Variants in MCCC1 observed in about 807,000 individuals in gnomAD.
The protein encoded by MCCC1 is methylcrotonoyl-CoA carboxylase subunit alpha, mitochondrial.
MCCC1 carries 64 observed loss-of-function variants against 83.8 expected under a neutral mutation model. The observed-to-expected ratio is 0.76, with a 90% CI of 0.62 to 0.94. MCCC1 has a LOEUF of 0.94. MCCC1 is among the 40% of genes least tolerant of loss of function. The pLI, the probability that MCCC1 is intolerant of heterozygous loss-of-function variation, is 0.00. For missense variants in MCCC1, 807 were observed against 904.7 expected (o/e 0.89, Z 1.39); for synonymous variants, 322 against 315.4 (o/e 1.02, Z -0.22).
chr3:183,112,983 T>C (rs1327081388), intron 1 of MCCC1, among the ~76,000 whole-genome samples: 2 of 151,924 alleles, frequency 1.3e-5, no homozygotes, highest in Non-Finnish European at 2.9e-5. Context: ...CTCACCACTT[T>C]GGGAGGCCAA....
At chr3:183,049,732 A>T (rs1350524737) in intron 9 of MCCC1, among the ~76,000 whole-genome samples, 1 of 152,208 alleles carries the variant, frequency 6.6e-6, no homozygotes, top group Non-Finnish European at 1.5e-5. Flanking sequence ...ATAAAGAAAT[A>T]TTATGAATAA....
Position 183,071,263 on chromosome 3 carries a change from T to C in MCCC1, c.586A>G (p.Arg196Gly), listed in dbSNP as rs750922662. The C allele has an allele frequency of 6.2e-6, 10 of 1,614,242 alleles. No homozygotes were observed. Among genetic ancestry groups the C allele is most frequent in the Non-Finnish European group, 8.5e-6 (10 of 1,180,040 alleles). ...ATCATGACAGGATAGCCAATTCTCC[T>C]GGCGTGTTCCTTCAGGCACTGGTCT... ...QSDQCLKEHA[R>G]RIGYPVMIKA... The change falls in exon 6 of 19, where the codon AGG becomes GGG. Residue 196 changes from arginine (R) to glycine (G), a missense_variant. By Grantham distance (125) the Arg-to-Gly change is moderately radical. Coordinates refer to ENST00000265594, the MANE Select transcript of MCCC1 (RefSeq NM_020166.5).
chr3:183,093,594 C>T (rs954737524), intron 2 of MCCC1, among the ~76,000 whole-genome samples: 1 of 151,998 alleles, frequency 6.6e-6, no homozygotes, highest in Non-Finnish European at 1.5e-5. Flanking sequence ...TGTTCTTTGA[C>T]AGTTCATAAT....
chr3:183,102,059 T>C (rs1719319691), upstream of MCCC1, among the ~76,000 whole-genome samples: 1 of 152,178 alleles, frequency 6.6e-6, no homozygotes, highest in African/African-American at 2.4e-5. Context: ...GGTGTGCAGC[T>C]TCATTCTTGA....
chr3:183,053,052 T>C (rs919912240), intron 8 of MCCC1, among the ~76,000 whole-genome samples: 4 of 152,206 alleles, frequency 2.6e-5, no homozygotes, highest in African/African-American at 9.7e-5. Context: ...ATAGATGTTA[T>C]TGACCCTGAA....
At chr3:183,090,334 G>A (rs1190443230) in intron 3 of MCCC1, among the ~76,000 whole-genome samples, 1 of 152,188 alleles carries the variant, frequency 6.6e-6, no homozygotes, top group Non-Finnish European at 1.5e-5. Context: ...GAGAGTGGTT[G>A]AAGACCCATC....
At chr3:183,103,270 G>C (rs1560294910), upstream of MCCC1, among the ~76,000 whole-genome samples, 2 of 152,096 alleles carry the variant, frequency 1.3e-5, no homozygotes, top group African/African-American at 4.8e-5. Context: ...AGCTTCCACA[G>C]TGTGGAAGCA....
In MCCC1 at chr3:183,037,408, G is replaced by T. The variant is rs1474160328; in HGVS notation, c.1404C>A (p.Asp468Glu). ...GGTGGCCAGACAGGTTGAGTAAGAA[G>T]TCAATGTTGGTGTGCAGTCCAACAA... ...YNIVGLHTNI[D>E]FLLNLSGHPE... The change falls in exon 13 of 19, where the codon GAC (aspartate) becomes GAA (glutamate). Residue 468 changes from aspartate to glutamate, a missense_variant. Asp to Glu is a conservative substitution (Grantham distance 45). Coordinates refer to ENST00000265594, the MANE Select transcript of MCCC1 (RefSeq NM_020166.5). 1 of 1,614,124 alleles carries T rather than the reference G, an allele frequency of 6.2e-7. No homozygotes were observed. Among genetic ancestry groups the T allele is most frequent in the South Asian group, 1.1e-5 (1 of 91,080 alleles).
intron 4 of MCCC1, among the ~76,000 whole-genome samples, chr3:183,078,673 T>C (rs1560265419): frequency 6.6e-6 from 1 of 152,234 alleles, no homozygotes; most frequent in Non-Finnish European, 1.5e-5. Context: ...TTCCGGAGTG[T>C]TTGTTACTAG....
chr3:183,111,130 T>C (rs557904774), intron 1 of MCCC1, among the ~76,000 whole-genome samples: 94 of 152,312 alleles, frequency 6.2e-4, no homozygotes, highest in African/African-American at 2.1e-3. Flanking sequence ...TTCCTTATTC[T>C]CCTGGAACAG....
At chr3:183,025,699 G>C in intron 15 of MCCC1, 56 bp downstream of exon 15, 1 of 1,429,398 alleles carries the variant, frequency 7.0e-7, no homozygotes, top group South Asian at 1.1e-5. Flanking sequence ...ACCCTATTCA[G>C]TATAAAAGCG....
chr3:183,107,656 C>A (rs1719428771), intron 1 of MCCC1, among the ~76,000 whole-genome samples: 1 of 151,882 alleles, frequency 6.6e-6, no homozygotes, highest in Non-Finnish European at 1.5e-5. Context: ...GATTCTCATG[C>A]CTCAGCCTCC....
intron 1 of MCCC1, among the ~76,000 whole-genome samples, chr3:183,107,405 T>C (rs1225887865): frequency 7.0e-6 from 1 of 142,066 alleles, no homozygotes; most frequent in Non-Finnish European, 1.5e-5. Context: ...CGAAACTCCA[T>C]CTCAAAAAAA....
chr3:183,031,584 A>G (rs1577254743), intron 14 of MCCC1, among the ~76,000 whole-genome samples: 1 of 126,892 alleles, frequency 7.9e-6, no homozygotes, highest in Non-Finnish European at 1.5e-5. Context: ...TGCAAGCTCC[A>G]CCTCCCAGGT....
At chr3:183,097,906 T>A (rs569980771) in intron 1 of MCCC1, among the ~76,000 whole-genome samples, 4 of 152,228 alleles carry the variant, frequency 2.6e-5, no homozygotes, top group South Asian at 2.1e-4. Flanking sequence ...ACACCAACTT[T>A]TTTTTTTATT....
At chr3:183,104,308 TCA>T (rs1719373156), upstream of MCCC1, among the ~76,000 whole-genome samples, 1 of 152,108 alleles carries the variant, frequency 6.6e-6, no homozygotes, top group Admixed American at 6.6e-5. Context: ...CTGTCACCTC[TCA>T]GTTTCACCAT....
rs1560275597 is a variant in MCCC1 at position 183,088,210 on chromosome 3, G to GTGT, written c.274-1423_274-1422insACA. Among the ~76,000 whole-genome samples the GTGT allele has an allele frequency of 8.9e-4, 124 of 139,660 alleles. 1 individual carries two copies. Among genetic ancestry groups the GTGT allele is most frequent in the African/African-American group, 3.2e-3 (118 of 37,122 alleles). The allele number at this position is 139,660 out of a possible 152,430, so 91.6% of individuals were successfully genotyped here. A position where few individuals can be genotyped will look rare whatever the true frequency, so the allele number is the denominator to read the frequency against. ...TTTGTTGTTGTTGTTGTTGTTGTGT[G>GTGT]TTTTTTTTTTTTTTTGAGGTAAGTC... On this transcript the variant is annotated intron_variant, in intron 3 of 18. Transcript: ENST00000265594.
At chr3:183,072,315 T>G (rs1291889623) in intron 5 of MCCC1, 51 bp downstream of exon 5, 1 of 1,606,818 alleles carries the variant, frequency 6.2e-7, no homozygotes, top group East Asian at 2.2e-5. Context: ...TGGCCCAAAC[T>G]ATTTCAACTG....
intron 12 of MCCC1, among the ~76,000 whole-genome samples, chr3:183,038,042 C>T (rs1350283320): frequency 2.6e-5 from 4 of 152,208 alleles, no homozygotes. Context: ...TTCCTTCATT[C>T]ATTTAACAGC....
Sources: gnomAD v4.1 joint callset for allele counts (sites outside exome capture counted in the v4.1 genomes callset) on GRCh38, gnomAD v4.1.1 for gene constraint, MANE v1.5 for transcripts, NCBI Gene and HGNC (gene_info 2026-07-23, HGNC 2026-07-21) for gene names.